The following IL34 variants were observed in gnomAD, a reference collection of about 807,000 sequenced individuals.
IL34 encodes the protein interleukin-34.
A neutral mutation model predicts 25.3 loss-of-function variants in IL34; 17 were observed. The observed-to-expected ratio is 0.67, with a 90% confidence interval of 0.46 to 1.01. The LOEUF (loss-of-function observed/expected upper bound fraction) is 1.01, where lower values mean the gene tolerates loss of function less well. Among genes scored for constraint, IL34 ranks in the 50% least tolerant of loss-of-function variants. The pLI, the probability that IL34 is intolerant of heterozygous loss-of-function variation, is 0.00. For synonymous variants in IL34, 174 were observed against 140.9 expected (o/e 1.23, Z -1.66); for missense variants, 368 against 312.9 (o/e 1.18, Z -1.33).
chr16:70,620,355 G>C (rs1179394691), intron 1 of IL34, among the ~76,000 whole-genome samples: 1 of 152,102 alleles, frequency 6.6e-6, no homozygotes, highest in East Asian at 1.9e-4. Flanking sequence ...TTTGGCTCCA[G>C]CCACCTTTTT....
chr16:70,638,597 T>C (rs1212291392), intron 1 of IL34, among the ~76,000 whole-genome samples: 1 of 152,152 alleles, frequency 6.6e-6, no homozygotes, highest in African/African-American at 2.4e-5. Flanking sequence ...TGATATTTTA[T>C]ACTTATTTAT....
chr16:70,622,757 A>T (rs1003376212), intron 1 of IL34, among the ~76,000 whole-genome samples: 1 of 152,058 alleles, frequency 6.6e-6, no homozygotes, highest in Non-Finnish European at 1.5e-5. Flanking sequence ...GGGGAGCAGA[A>T]AGTATATGCT....
chr16:70,605,278 G>C (rs1174394292), intron 1 of IL34, among the ~76,000 whole-genome samples: 1 of 152,272 alleles, frequency 6.6e-6, no homozygotes, highest in East Asian at 1.9e-4. Flanking sequence ...AAGAGTCCAG[G>C]ACCCTCTTCC....
intron 1 of IL34, among the ~76,000 whole-genome samples, chr16:70,620,420 G>A (rs1320965110): frequency 2.0e-5 from 3 of 149,558 alleles, no homozygotes; most frequent in African/African-American, 5.1e-5. Flanking sequence ...GAAACTGTAA[G>A]CCCCACCAGG....
intron 1 of IL34, among the ~76,000 whole-genome samples, chr16:70,627,453 C>A (rs1197489802): frequency 2.8e-5 from 4 of 141,088 alleles, no homozygotes; most frequent in Admixed American, 7.0e-5. Flanking sequence ...CGCTCCCCTC[C>A]CCCTCCTCCC....
At chr16:70,608,126 C>CTTTTTTTTT (rs869059231) in intron 1 of IL34, among the ~76,000 whole-genome samples, 3 of 38,870 alleles carry the variant, frequency 7.7e-5, no homozygotes, top group African/African-American at 9.2e-5. Flanking sequence ...TTTCTTTTTT[C>CTTTTTTTTT]TTTTTTTTTT....
At position 70,628,628 on chromosome 16, in the gene IL34, A is replaced by G. The variant is rs1411644574; in HGVS notation, c.-400-17920A>G. Among the ~76,000 whole-genome samples the G allele has an allele frequency of 2.0e-5, 3 of 151,858 alleles. No homozygotes were observed. The East Asian group carries it at 5.8e-4, about 29-fold the overall frequency. On this transcript the variant is annotated intron_variant, in intron 1 of 6. Coordinates refer to the IL34 transcript ENST00000429149. ...CAGCCTCCCAAGCAGCTGGGATTAC[A>G]GGCACCCGCCACCATGCCTGGCTAA... is the stretch of plus-strand genomic sequence containing the variant.
At chr16:70,610,074 C>T (rs113741420) in intron 1 of IL34, among the ~76,000 whole-genome samples, 5,280 of 152,042 alleles carry the variant, frequency 0.035, 152 homozygotes, top group Non-Finnish European at 0.046. Context: ...TGGTGGCGGG[C>T]GCCTGTAATC....
chr16:70,633,667 C>T (rs914199332), intron 1 of IL34, among the ~76,000 whole-genome samples: 1 of 152,112 alleles, frequency 6.6e-6, no homozygotes, highest in East Asian at 1.9e-4. Context: ...GAAATGTATT[C>T]TGTCAAAGAT....
At chr16:70,597,233 T>A (rs201538681) in intron 1 of IL34, among the ~76,000 whole-genome samples, 14,877 of 151,796 alleles carry the variant, frequency 0.098, 1,766 homozygotes, top group African/African-American at 0.26. Flanking sequence ...GCTTTTTTTT[T>A]TTTTGGAGAC....
intron 1 of IL34, among the ~76,000 whole-genome samples, chr16:70,594,311 C>T (rs1164342692): frequency 6.6e-6 from 1 of 152,148 alleles, no homozygotes; most frequent in Non-Finnish European, 1.5e-5. Flanking sequence ...GTATAGTACT[C>T]CTCATACAGA....
chr16:70,613,691 C>G (rs2051127433), intron 1 of IL34, among the ~76,000 whole-genome samples: 1 of 151,868 alleles, frequency 6.6e-6, no homozygotes, highest in African/African-American at 2.4e-5. Context: ...CTGGCCAGCA[C>G]AGTGAAACCC....
intron 1 of IL34, among the ~76,000 whole-genome samples, chr16:70,586,135 G>T (rs1199663266): frequency 6.6e-6 from 1 of 152,124 alleles, no homozygotes; most frequent in South Asian, 2.1e-4. Context: ...CCCAGCCCTG[G>T]CCTCCTTGTT....
intron 3 of IL34, 124 bp downstream of exon 3, chr16:70,656,803 G>A (rs1424918288): frequency 9.9e-7 from 1 of 1,014,058 alleles, no homozygotes; most frequent in Non-Finnish European, 1.5e-6. Context: ...TCAGCCCCGA[G>A]AGCAGGCTGG....
chr16:70,608,519 A>T (rs914773273), intron 1 of IL34, among the ~76,000 whole-genome samples: 1 of 152,194 alleles, frequency 6.6e-6, no homozygotes, highest in Non-Finnish European at 1.5e-5. Context: ...CCCCCAGCAC[A>T]TGGTGGGTCT....
At chr16:70,585,361 C>CCA (rs1201809493) in intron 1 of IL34, among the ~76,000 whole-genome samples, 2 of 152,148 alleles carry the variant, frequency 1.3e-5, no homozygotes, top group Non-Finnish European at 2.9e-5. Flanking sequence ...GTTGCTGAGA[C>CCA]CACAGGCAAG....
chr16:70,628,553 C>G (rs2051447461), intron 1 of IL34, among the ~76,000 whole-genome samples: 1 of 150,816 alleles, frequency 6.6e-6, no homozygotes, highest in Admixed American at 6.6e-5. Flanking sequence ...ATGGTATGAT[C>G]TTGGCTCACT....
chr16:70,624,387 A>G (rs1007549810), intron 1 of IL34, among the ~76,000 whole-genome samples: 3 of 152,086 alleles, frequency 2.0e-5, no homozygotes, highest in Non-Finnish European at 4.4e-5. Flanking sequence ...GTTACTGTAC[A>G]CCTTGAAGGT....
At chr16:70,634,511 C>G (rs2051594597) in intron 1 of IL34, among the ~76,000 whole-genome samples, 1 of 151,960 alleles carries the variant, frequency 6.6e-6, no homozygotes, top group Non-Finnish European at 1.5e-5. Context: ...GAAACCCCAT[C>G]TCTACTAAAA....
Sources: allele counts gnomAD v4.1 joint callset (sites outside exome capture counted in the v4.1 genomes callset), GRCh38; gene constraint gnomAD v4.1.1; transcripts MANE v1.5; gene names NCBI Gene and HGNC (gene_info 2026-07-23, HGNC 2026-07-21).